The following GRID2 variants were observed in gnomAD, a reference collection of about 807,000 sequenced individuals.
GRID2 encodes the protein glutamate receptor ionotropic, delta-2.
GRID2 carries 33 observed loss-of-function variants against 114.8 expected under a neutral mutation model. The ratio of observed to expected loss-of-function variants is 0.29; its 90% CI spans 0.22 to 0.38. The LOEUF is 0.38. Ranked by LOEUF, GRID2 falls within the 10% of genes least tolerant of loss-of-function variation. The pLI is 1.00. For synonymous variants in GRID2, 505 were observed against 449.9 expected, an observed-to-expected ratio of 1.12 and a Z score of -1.55; for missense variants, 1,184 against 1,257.7, an observed-to-expected ratio of 0.94 and a Z score of 0.89.
At chr4:93,659,384 A>C (rs982450137) in intron 14 of GRID2, among the ~76,000 whole-genome samples, 1 of 152,142 alleles carries the variant, frequency 6.6e-6, no homozygotes, top group Non-Finnish European at 1.5e-5. Context: ...AGGCTGAGAG[A>C]CACAGATTAT....
chr4:93,575,173 G>T (rs1736296626), intron 13 of GRID2, among the ~76,000 whole-genome samples: 1 of 152,148 alleles, frequency 6.6e-6, no homozygotes, highest in African/African-American at 2.4e-5. Context: ...GCCAATGTGT[G>T]AGGTGACAAC....
intron 8 of GRID2, among the ~76,000 whole-genome samples, chr4:93,322,874 C>T (rs1001398860): frequency 1.7e-4 from 26 of 152,020 alleles, no homozygotes; most frequent in African/African-American, 5.8e-4. Context: ...ATATCTTTTG[C>T]CCACTTTTTA....
At chr4:93,718,676 T>A (rs774374757) in intron 14 of GRID2, among the ~76,000 whole-genome samples, 15 of 152,146 alleles carry the variant, frequency 9.9e-5, no homozygotes, top group Non-Finnish European at 1.8e-4. Flanking sequence ...AATCCATTCC[T>A]GATGGCCAGA....
chr4:93,227,604 A>G (rs891109343), intron 7 of GRID2, among the ~76,000 whole-genome samples: 10 of 152,206 alleles, frequency 6.6e-5, no homozygotes, highest in Non-Finnish European at 1.2e-4. Context: ...TCTTTAATAT[A>G]AAATCTATCT....
chr4:93,310,335 C>T (rs1425041688), intron 8 of GRID2, among the ~76,000 whole-genome samples: 1 of 151,942 alleles, frequency 6.6e-6, no homozygotes, highest in East Asian at 1.9e-4. Context: ...GCTTGGCCAA[C>T]ATGGTAAAAC....
chr4:92,480,031 ATTG>A (rs1722505421), intron 1 of GRID2, among the ~76,000 whole-genome samples: 1 of 152,094 alleles, frequency 6.6e-6, no homozygotes, highest in African/African-American at 2.4e-5. Flanking sequence ...TATTATTATT[ATTG>A]TTATTTTGGA....
intron 2 of GRID2, among the ~76,000 whole-genome samples, chr4:92,800,423 A>G (rs1406551923): frequency 1.3e-5 from 2 of 152,022 alleles, no homozygotes; most frequent in Non-Finnish European, 2.9e-5. Context: ...TTAAGAAGGA[A>G]TCAAGGTTGT....
intron 2 of GRID2, among the ~76,000 whole-genome samples, chr4:93,076,169 A>T (rs969496111): frequency 6.6e-6 from 1 of 152,038 alleles, no homozygotes; most frequent in Admixed American, 6.6e-5. Flanking sequence ...AAGTGCTGGG[A>T]TTACAGGCGT....
At chr4:92,640,925 A>G (rs1208247977) in intron 2 of GRID2, among the ~76,000 whole-genome samples, 3 of 151,906 alleles carry the variant, frequency 2.0e-5, no homozygotes, top group Non-Finnish European at 4.4e-5. Context: ...TTAAATTAGA[A>G]TGTTATAAAT....
chr4:93,223,326 A>G (rs568148703), intron 6 of GRID2, among the ~76,000 whole-genome samples: 2 of 152,280 alleles, frequency 1.3e-5, no homozygotes, highest in Non-Finnish European at 2.9e-5. Context: ...TGTCTCTTCA[A>G]AAAAGGCCTA....
rs191771700 is a variant in GRID2 at position 93,632,300 on chromosome 4, G to A, written c.2360+5865G>A. Among the ~76,000 whole-genome samples, 26 of 152,300 alleles carry A rather than the reference G, an allele frequency of 1.7e-4. No individual in the cohort carries two copies. In the East Asian group the frequency reaches 3.7e-3, roughly 21 times the overall value. Reference sequence around the variant, plus strand: ...ATATGAAGTCCTTGCCCAGGCCTACGTCCTGAATGGTATTGCCTAGGTTTT... The same window carrying A: ...ATATGAAGTCCTTGCCCAGGCCTACATCCTGAATGGTATTGCCTAGGTTTT... On this transcript the variant is annotated intron_variant, in intron 14 of 15. Transcript: ENST00000282020.
intron 11 of GRID2, among the ~76,000 whole-genome samples, chr4:93,462,115 CAACAATGTGCCAGGAACATGAGT>C (rs1208119734): frequency 2.0e-4 from 31 of 152,136 alleles, no homozygotes; most frequent in Middle Eastern, 3.4e-3. Context: ...TATTAAGCAC[CAACAATGTGCCAGGAACATGAGT>C]AGCAAAAGGA....
At chr4:93,509,997 G>T (rs1411189331) in intron 12 of GRID2, among the ~76,000 whole-genome samples, 1 of 152,128 alleles carries the variant, frequency 6.6e-6, no homozygotes, top group Non-Finnish European at 1.5e-5. Flanking sequence ...GCTGAAATCA[G>T]CATCCAAAGG....
At chr4:93,330,700 T>C (rs1758331829) in intron 8 of GRID2, among the ~76,000 whole-genome samples, 1 of 152,150 alleles carries the variant, frequency 6.6e-6, no homozygotes, top group Non-Finnish European at 1.5e-5. Flanking sequence ...TCTGTTTAGA[T>C]GAGTCTGTAT....
intron 2 of GRID2, among the ~76,000 whole-genome samples, chr4:93,082,910 T>G (rs1383750981): frequency 6.6e-6 from 1 of 152,216 alleles, no homozygotes; most frequent in Non-Finnish European, 1.5e-5. Flanking sequence ...AAGATTAATA[T>G]ATGACTTTTC....
chr4:92,877,042 A>G (rs1488004670), intron 2 of GRID2, among the ~76,000 whole-genome samples: 1 of 152,236 alleles, frequency 6.6e-6, no homozygotes. Flanking sequence ...GTTTTAAAAT[A>G]TCTTGGCTGT....
At chr4:92,918,660 T>C (rs1335848133) in intron 2 of GRID2, among the ~76,000 whole-genome samples, 1 of 152,180 alleles carries the variant, frequency 6.6e-6, no homozygotes, top group Non-Finnish European at 1.5e-5. Context: ...CATTTACTGA[T>C]TTGTGTATAT....
intron 1 of GRID2, among the ~76,000 whole-genome samples, chr4:92,470,449 C>T (rs1361594909): frequency 3.3e-5 from 5 of 151,676 alleles, no homozygotes; most frequent in Non-Finnish European, 5.9e-5. Flanking sequence ...AGTCTCTATT[C>T]ACTAAAAATA....
intron 1 of GRID2, among the ~76,000 whole-genome samples, chr4:92,498,404 G>A (rs923769967): frequency 2.0e-5 from 3 of 151,700 alleles, no homozygotes; most frequent in African/African-American, 4.8e-5. Flanking sequence ...CCAGTAAAGG[G>A]CAATTAAGGG....
Sources: allele counts gnomAD v4.1 joint callset (sites outside exome capture counted in the v4.1 genomes callset), GRCh38; gene constraint gnomAD v4.1.1; transcripts MANE v1.5; gene names NCBI Gene and HGNC (gene_info 2026-07-23, HGNC 2026-07-21).